The following AGBL1 variants were observed in gnomAD, a reference collection of about 807,000 sequenced individuals.
AGBL1 encodes the protein cytosolic carboxypeptidase 4.
AGBL1 carries 130 observed loss-of-function variants against 118.9 expected under a neutral mutation model. The ratio of observed to expected loss-of-function variants is 1.09; its 90% CI spans 0.95 to 1.26. AGBL1 has a LOEUF of 1.26. Among genes scored for constraint, AGBL1 ranks in the 50% most tolerant of loss-of-function variants. The pLI, the probability that AGBL1 is intolerant of heterozygous loss-of-function variation, is 0.00. For missense variants in AGBL1, 1,584 were observed against 1,298.1 expected, an observed-to-expected ratio of 1.22 and a Z score of -3.38; for synonymous variants, 555 against 478.9, an observed-to-expected ratio of 1.16 and a Z score of -2.08.
At chr15:86,392,697 A>G (rs2081306536) in intron 17 of AGBL1, among the ~76,000 whole-genome samples, 1 of 152,170 alleles carries the variant, frequency 6.6e-6, no homozygotes, top group Non-Finnish European at 1.5e-5. Context: ...GCATTATTCA[A>G]TCCCCTACTT....
chr15:86,887,275 C>G (rs1037442544), intron 22 of AGBL1, among the ~76,000 whole-genome samples: 1 of 152,094 alleles, frequency 6.6e-6, no homozygotes. Flanking sequence ...ACCTACCTAT[C>G]TATCATTTAT....
rs988671780 is a variant in AGBL1 at position 86,972,972 on chromosome 15, C to T, written c.3222-15015C>T. Among the ~76,000 whole-genome samples, 14 of 151,806 alleles carry T rather than the reference C, an allele frequency of 9.2e-5. No individual in the cohort carries two copies. In the South Asian group the frequency reaches 2.3e-3, roughly 25 times the overall value. On this transcript the variant is annotated intron_variant, in intron 23 of 24. Coordinates refer to the AGBL1 transcript ENST00000441037. ...TAATCTTGGTATAAGCAGTATAGCT[C>T]GGTGGTTAAGAACAAAGAATTTGGA...
chr15:86,095,830 T>C (rs1353999694), intron 1 of AGBL1, among the ~76,000 whole-genome samples: 1 of 152,048 alleles, frequency 6.6e-6, no homozygotes, highest in Non-Finnish European at 1.5e-5. Context: ...CTGAGCATCA[T>C]GAGACATGGG....
At position 86,324,143 on chromosome 15, in the gene AGBL1, G is replaced by A. The variant is rs144865057; in HGVS notation, c.2374+28735G>A. Among the ~76,000 whole-genome samples, 812 of 152,250 alleles carry A rather than the reference G, an allele frequency of 5.3e-3. 11 individuals carry two copies. The highest frequency in any genetic ancestry group is 0.019 in the African/African-American group (769 of 41,536). ...TGTCAGGCACTGGGCTAGATACTAG[G>A]GGTAGAGTGATGACTAAGATAGTCC... is the stretch of plus-strand genomic sequence containing the variant. On this transcript the variant is annotated intron_variant, in intron 17 of 22. Coordinates refer to ENST00000614907, the MANE Select transcript of AGBL1 (RefSeq NM_001386094.1).
intron 21 of AGBL1, among the ~76,000 whole-genome samples, chr15:86,598,409 T>C (rs1209789324): frequency 1.3e-5 from 2 of 152,142 alleles, no homozygotes. Context: ...GTGATCTAAG[T>C]AGCTTTTTCC....
At chr15:86,969,617 A>G (rs1304384774) in intron 23 of AGBL1, among the ~76,000 whole-genome samples, 2 of 152,072 alleles carry the variant, frequency 1.3e-5, no homozygotes, top group East Asian at 3.9e-4. Flanking sequence ...GTATGTGGGC[A>G]TATGTGCATT....
At chr15:86,158,368 A>G (rs1380977410) in intron 4 of AGBL1, among the ~76,000 whole-genome samples, 1 of 152,264 alleles carries the variant, frequency 6.6e-6, no homozygotes, top group East Asian at 1.9e-4. Context: ...TCTCAGATCA[A>G]GGCTAGCCTA....
rs1461328918 is a variant in AGBL1, at chr15:86,247,772, A to T, written c.628A>T (p.Ile210Phe). 8 of 1,613,944 alleles carry T rather than the reference A, an allele frequency of 5.0e-6. No individual in the cohort carries two copies. The highest frequency in any genetic ancestry group is 5.9e-6 in the Non-Finnish European group (7 of 1,179,860). ...SHDTANAYVQ[I>F]RRGLLLCLRH... The stretch of plus-strand genomic sequence containing the variant: ...TGACACAGCCAACGCCTACGTGCAG[A>T]TCCGACGGGGCTTGCTGCTCTGCCT... Residue 210 changes from isoleucine (I) to phenylalanine (F), a missense_variant, in exon 7 of 23, where the codon ATC becomes TTC. Coordinates refer to ENST00000614907, the MANE Select transcript of AGBL1 (RefSeq NM_001386094.1).
chr15:86,206,512 G>A (rs992368521), intron 5 of AGBL1, among the ~76,000 whole-genome samples: 1 of 152,152 alleles, frequency 6.6e-6, no homozygotes, highest in African/African-American at 2.4e-5. Flanking sequence ...CATTCTAACT[G>A]GTGTGAGATG....
chr15:86,605,025 C>T (rs796123097), intron 21 of AGBL1, among the ~76,000 whole-genome samples: 28 of 152,138 alleles, frequency 1.8e-4, no homozygotes, highest in African/African-American at 6.3e-4. Flanking sequence ...GAACTCCCAA[C>T]CTCAGGTGAT....
intron 22 of AGBL1, among the ~76,000 whole-genome samples, chr15:86,791,987 C>T (rs1817121): frequency 0.042 from 6,437 of 152,186 alleles, 304 homozygotes; most frequent in East Asian, 0.12. Flanking sequence ...CTGCCCACTT[C>T]GGCCTCCTAA....
intron 1 of AGBL1, among the ~76,000 whole-genome samples, chr15:86,136,078 AC>A (rs1367638144): frequency 1.3e-5 from 2 of 152,046 alleles, no homozygotes; most frequent in African/African-American, 2.4e-5. Flanking sequence ...ATCAACATAG[AC>A]CCTCCAGTCT....
At chr15:86,805,233 A>G (rs559408533) in intron 22 of AGBL1, among the ~76,000 whole-genome samples, 174 of 151,922 alleles carry the variant, frequency 1.1e-3, no homozygotes, top group Non-Finnish European at 1.9e-3. Context: ...TTTTGTCTGT[A>G]AGGAGCATCA....
chr15:86,294,999 C>G (rs755849168), intron 16 of AGBL1, among the ~76,000 whole-genome samples: 2 of 152,190 alleles, frequency 1.3e-5, no homozygotes, highest in African/African-American at 4.8e-5. Flanking sequence ...CCTCCTCCCT[C>G]TTGCTTTCAG....
intron 22 of AGBL1, among the ~76,000 whole-genome samples, chr15:86,758,116 C>A (rs986570160): frequency 6.6e-6 from 1 of 152,048 alleles, no homozygotes; most frequent in Non-Finnish European, 1.5e-5. Flanking sequence ...ATGGTAAAAT[C>A]TGGAAACTAT....
intron 23 of AGBL1, among the ~76,000 whole-genome samples, chr15:86,927,416 C>A (rs1332577210): frequency 1.8e-5 from 2 of 111,482 alleles, no homozygotes; most frequent in Non-Finnish European, 4.0e-5. Context: ...AAGGGAGACC[C>A]CATCTTTACA....
At chr15:86,360,151 T>C (rs1211432533) in intron 17 of AGBL1, among the ~76,000 whole-genome samples, 1 of 151,986 alleles carries the variant, frequency 6.6e-6, no homozygotes, top group African/African-American at 2.4e-5. Flanking sequence ...GCTTTCCCTA[T>C]TGATTATCAT....
At position 86,270,069 on chromosome 15, in the gene AGBL1, T is replaced by G; in HGVS notation, c.1987+2T>G. ...AGCCCAACAGCCAGTTTAATTATGG[T>G]ATGAACGCTTGGGGAGCAGGGGCTT... On this transcript the variant is annotated splice_donor_variant, in intron 14 of 22. Transcript: ENST00000614907. LOFTEE classifies it high-confidence loss of function. 6.2e-7 allele frequency: 1 copy of G among 1,609,238 alleles called. No homozygotes were observed. The highest frequency in any genetic ancestry group is 8.5e-7 in the Non-Finnish European group (1 of 1,177,722).
intron 22 of AGBL1, among the ~76,000 whole-genome samples, chr15:86,729,697 C>T (rs1389743819): frequency 6.6e-6 from 1 of 152,138 alleles, no homozygotes; most frequent in East Asian, 1.9e-4. Context: ...TAGGTTGACT[C>T]CATATCTTTG....
Sources: allele counts gnomAD v4.1 joint callset (sites outside exome capture counted in the v4.1 genomes callset), GRCh38; gene constraint gnomAD v4.1.1; transcripts MANE v1.5; gene names NCBI Gene and HGNC (gene_info 2026-07-23, HGNC 2026-07-21).